Variants in NDRG3 observed in about 807,000 individuals in gnomAD.
The protein encoded by NDRG3 is NDRG family member 3.
Under a neutral mutation model 57.2 loss-of-function variants are expected in NDRG3, and 23 were observed. That is an observed-to-expected ratio of 0.40 (90% CI 0.29 to 0.57). The LOEUF is 0.57. Ranked by LOEUF, NDRG3 falls within the 20% of genes least tolerant of loss-of-function variation. The pLI, the probability that NDRG3 is intolerant of heterozygous loss-of-function variation, is 0.42. For missense variants in NDRG3, 384 were observed against 457.3 expected, an observed-to-expected ratio of 0.84 and a Z score of 1.46; for synonymous variants, 132 against 162.6, an observed-to-expected ratio of 0.81 and a Z score of 1.43.
intron 8 of NDRG3, among the ~76,000 whole-genome samples, chr20:36,676,998 T>A (rs1383152435): frequency 5.3e-5 from 8 of 152,216 alleles, no homozygotes; most frequent in Admixed American, 2.0e-4. Context: ...TCAGCCTCCC[T>A]GTGCTCTTGG....
intron 1 of NDRG3, among the ~76,000 whole-genome samples, chr20:36,735,781 A>C (rs1985574068): frequency 6.6e-6 from 1 of 151,958 alleles, no homozygotes; most frequent in African/African-American, 2.4e-5. Context: ...TTGAGGTCAG[A>C]AGTTCAAGAT....
intron 8 of NDRG3, among the ~76,000 whole-genome samples, chr20:36,671,637 C>T (rs1380341690): frequency 6.6e-6 from 1 of 151,974 alleles, no homozygotes; most frequent in Non-Finnish European, 1.5e-5. Context: ...CCTGTCTCTA[C>T]TAAAAATACA....
At chr20:36,711,701 T>C (rs999835958) in intron 2 of NDRG3, among the ~76,000 whole-genome samples, 1 of 152,218 alleles carries the variant, frequency 6.6e-6, no homozygotes, top group Admixed American at 6.6e-5. Context: ...AACAACTCTG[T>C]GTTCTCAATC....
chr20:36,704,291 G>A (rs1983419228), intron 3 of NDRG3, among the ~76,000 whole-genome samples: 1 of 151,992 alleles, frequency 6.6e-6, no homozygotes, highest in Non-Finnish European at 1.5e-5. Context: ...TGGCCAGGCT[G>A]GTCTTGAACT....
intron 15 of NDRG3, chr20:36,654,699 A>G (rs1040203993): frequency 2.4e-5 from 18 of 753,970 alleles, no homozygotes; most frequent in East Asian, 1.7e-4. Context: ...GCCACGTTCT[A>G]TCGGGCTCTC....
intron 6 of NDRG3, among the ~76,000 whole-genome samples, chr20:36,683,672 A>C (rs1196066733): frequency 6.7e-6 from 1 of 148,930 alleles, no homozygotes; most frequent in East Asian, 1.9e-4. Flanking sequence ...ATACATATAT[A>C]TATACACACA....
chr20:36,726,910 CTTTCTTT>C (rs1351637980), intron 1 of NDRG3, among the ~76,000 whole-genome samples: 2 of 138,732 alleles, frequency 1.4e-5, no homozygotes, highest in African/African-American at 5.3e-5. Flanking sequence ...AGATATCTTT[CTTTCTTT>C]TTTTTTTTTT....
intron 8 of NDRG3, among the ~76,000 whole-genome samples, chr20:36,677,244 C>T (rs1481062806): frequency 1.3e-5 from 2 of 152,198 alleles, no homozygotes; most frequent in Non-Finnish European, 1.5e-5. Flanking sequence ...AGGAAGGGCC[C>T]CTCCAAGCCC....
intron 1 of NDRG3, among the ~76,000 whole-genome samples, chr20:36,733,572 A>C (rs1985453476): frequency 6.6e-6 from 1 of 152,022 alleles, no homozygotes; most frequent in Non-Finnish European, 1.5e-5. Flanking sequence ...AATATACAAA[A>C]AATTAGCCGG....
chr20:36,671,342 T>G lies in NDRG3; in HGVS notation c.587A>C (p.Gln196Pro). ...VDIILAHHFG[Q>P]EELQANLDLI... ...CTTCTGGGTGGAACAGGTACTTACCTGCCCAAAGTGATGAGCCAAAATAAT... is the reference window on the plus strand; with the variant it reads ...CTTCTGGGTGGAACAGGTACTTACCGGCCCAAAGTGATGAGCCAAAATAAT... The change falls in exon 9 of 16, where the codon CAG becomes CCG. Residue 196 changes from glutamine (Q) to proline (P), a missense_variant and splice_region_variant. Transcript: ENST00000349004. The G allele has an allele frequency of 6.2e-7, 1 of 1,613,324 alleles. No individual in the cohort carries two copies. Among genetic ancestry groups the G allele is most frequent in the Non-Finnish European group, 8.5e-7 (1 of 1,179,314 alleles).
At chr20:36,693,240 G>GTA (rs1366740383) in intron 3 of NDRG3, among the ~76,000 whole-genome samples, 45 of 141,498 alleles carry the variant, frequency 3.2e-4, no homozygotes, top group African/African-American at 9.9e-4. Flanking sequence ...ATATATGTGT[G>GTA]TATATATATA....
chr20:36,680,546 CAG>C (rs1981185474), intron 8 of NDRG3, among the ~76,000 whole-genome samples: 1 of 149,844 alleles, frequency 6.7e-6, no homozygotes, highest in African/African-American at 2.5e-5. Context: ...TGTTTAAAAA[CAG>C]ATAAAACTTA....
chr20:36,744,381 G>A (rs1300151525), intron 1 of NDRG3, among the ~76,000 whole-genome samples: 1 of 151,630 alleles, frequency 6.6e-6, no homozygotes, highest in East Asian at 1.9e-4. Flanking sequence ...ACCACGCTTT[G>A]AGTAATGAAA....
chr20:36,699,766 CAGG>C (rs1312212147), intron 3 of NDRG3, among the ~76,000 whole-genome samples: 1 of 151,316 alleles, frequency 6.6e-6, no homozygotes, highest in Non-Finnish European at 1.5e-5. Context: ...CAGGGAAGGT[CAGG>C]AGAAGGATGG....
intron 2 of NDRG3, among the ~76,000 whole-genome samples, chr20:36,709,044 T>A (rs1983719692): frequency 6.6e-6 from 1 of 151,812 alleles, no homozygotes; most frequent in African/African-American, 2.4e-5. Context: ...CTCAAAAAAA[T>A]TAAAAAATAA....
At chr20:36,730,608 TA>T (rs768957804) in intron 1 of NDRG3, among the ~76,000 whole-genome samples, 84 of 146,822 alleles carry the variant, frequency 5.7e-4, no homozygotes, top group African/African-American at 2.1e-3. Context: ...GTGAAAAAAA[TA>T]AAAAAAAAGG....
At position 36,653,653 on chromosome 20, in the gene NDRG3, G is replaced by A. The variant is rs771892515; in HGVS notation, c.995C>T (p.Thr332Ile). 1.9e-6 allele frequency: 3 copies of A among 1,614,136 alleles called. No homozygotes were observed. Among genetic ancestry groups the A allele is most frequent in the Admixed American group, 1.7e-5 (1 of 60,020 alleles). Reference protein sequence around the residue: ...TRLARSRTHSTSSSLGSGESP... With the variant: ...TRLARSRTHSISSSLGSGESP... ...TTCTCCAGAGCCGAGGCTACTCGAGGTTGAGTGGGTTCGTGATCGGGCGAG... is the reference window on the plus strand; with the variant it reads ...TTCTCCAGAGCCGAGGCTACTCGAGATTGAGTGGGTTCGTGATCGGGCGAG... Residue 332 changes from threonine to isoleucine, a missense_variant, in exon 16 of 16, where the codon ACC (threonine) becomes ATC (isoleucine). Thr to Ile is a moderately conservative substitution (Grantham distance 89, BLOSUM62 -1). Transcript: ENST00000349004. This position sits in a 1 kb window ranked among gnomAD's most constrained non-coding sequence, Gnocchi z 4.2.
At chr20:36,727,362 G>T (rs1985000852) in intron 1 of NDRG3, among the ~76,000 whole-genome samples, 1 of 151,868 alleles carries the variant, frequency 6.6e-6, no homozygotes. Context: ...TGGGATTACA[G>T]GCATCTGCCA....
intron 1 of NDRG3, among the ~76,000 whole-genome samples, chr20:36,742,457 T>A (rs1440903382): frequency 6.6e-6 from 1 of 152,198 alleles, no homozygotes. Context: ...CCTTTCTTTC[T>A]TAATAGTGCT....
Sources: allele counts gnomAD v4.1 joint callset (sites outside exome capture counted in the v4.1 genomes callset), GRCh38; gene constraint gnomAD v4.1.1; non-coding constraint Gnocchi (gnomAD v3.1); transcripts MANE v1.5; gene names NCBI Gene and HGNC (gene_info 2026-07-23, HGNC 2026-07-21).